Variants in SHISA9 observed in about 807,000 individuals in gnomAD.
The protein encoded by SHISA9 is protein shisa-9.
In SHISA9, 13 loss-of-function variants were observed where a neutral mutation model predicts 38.0. The ratio of observed to expected loss-of-function variants is 0.34; its 90% CI spans 0.22 to 0.54. The LOEUF is 0.54. Ranked by LOEUF, SHISA9 falls within the 20% of genes least tolerant of loss-of-function variation. The probability of loss-of-function intolerance (pLI) is 0.91; values close to 1 mark genes in which losing one functional copy is unlikely to be tolerated. For missense variants in SHISA9, 538 were observed against 575.8 expected, an observed-to-expected ratio of 0.93 and a Z score of 0.67; for synonymous variants, 275 against 242.0, an observed-to-expected ratio of 1.14 and a Z score of -1.27.
the SHISA9 span, among the ~76,000 whole-genome samples, chr16:13,270,068 T>G: frequency 1.3e-5 from 2 of 152,138 alleles, no homozygotes; most frequent in African/African-American, 4.8e-5. Flanking sequence ...TGGGAGGAAA[T>G]GTTTGCTGGG....
chr16:13,449,516 T>C, the SHISA9 span, among the ~76,000 whole-genome samples: 1 of 152,316 alleles, frequency 6.6e-6, no homozygotes, highest in African/African-American at 2.4e-5. Context: ...ACTCTATATC[T>C]TGATTTGAGT....
chr16:12,942,719 C>T (rs2071627389), intron 2 of SHISA9, among the ~76,000 whole-genome samples: 1 of 152,188 alleles, frequency 6.6e-6, no homozygotes, highest in South Asian at 2.1e-4. Flanking sequence ...TACCCAGAAG[C>T]GCACAGCCAC....
rs555421464 is a variant in SHISA9 at position 13,011,259 on chromosome 16, T to C, written c.691+94444T>C. 3.3e-5 allele frequency among the ~76,000 whole-genome samples: 5 copies of C among 152,112 alleles called. No homozygotes were observed. In the South Asian group the frequency reaches 8.3e-4, roughly 25 times the overall value. On this transcript the variant is annotated intron_variant, in intron 2 of 4. Transcript: ENST00000558583. ...CATGATGTTATGAGATGCGTGTAGA[T>C]AGTAAAATAGTTACTATAGTGAAGC...
At chr16:13,537,322 G>A in the SHISA9 span, among the ~76,000 whole-genome samples, 2 of 151,898 alleles carry the variant, frequency 1.3e-5, no homozygotes, top group Admixed American at 1.3e-4. Flanking sequence ...CAGCTACTCA[G>A]AAGGCTGAGG....
At chr16:12,952,940 G>A (rs76917165) in intron 2 of SHISA9, among the ~76,000 whole-genome samples, 1,528 of 152,230 alleles carry the variant, frequency 0.01, 6 homozygotes, top group East Asian at 0.029. Flanking sequence ...TACTGAGTGT[G>A]TTTTAGGCAC....
intron 2 of SHISA9, among the ~76,000 whole-genome samples, chr16:12,964,099 G>T (rs1487864128): frequency 6.6e-6 from 1 of 152,180 alleles, no homozygotes; most frequent in Non-Finnish European, 1.5e-5. Flanking sequence ...GTTGGGCCAG[G>T]CCCTAGGTCT....
At chr16:12,943,514 C>A (rs1380916648) in intron 2 of SHISA9, among the ~76,000 whole-genome samples, 1 of 152,014 alleles carries the variant, frequency 6.6e-6, no homozygotes, top group Non-Finnish European at 1.5e-5. Context: ...TTTTACTTTG[C>A]TGTCTTAAAT....
At chr16:13,324,402 G>A in the SHISA9 span, among the ~76,000 whole-genome samples, 1 of 152,062 alleles carries the variant, frequency 6.6e-6, no homozygotes, top group Non-Finnish European at 1.5e-5. Flanking sequence ...CCAGTTTCTA[G>A]CATCTATTCT....
intron 2 of SHISA9, among the ~76,000 whole-genome samples, chr16:13,008,382 G>A (rs75716203): frequency 0.018 from 2,699 of 152,282 alleles, 58 homozygotes; most frequent in East Asian, 0.077. Flanking sequence ...TTGTCTCAAA[G>A]TCTGCTTCTG....
the SHISA9 span, among the ~76,000 whole-genome samples, chr16:13,311,710 T>C: frequency 5.9e-3 from 905 of 152,346 alleles, 7 homozygotes; most frequent in African/African-American, 0.018. Flanking sequence ...TCTCGTTGGT[T>C]CCTTCTCTCA....
At chr16:13,249,317 A>G in the SHISA9 span, among the ~76,000 whole-genome samples, 14 of 152,310 alleles carry the variant, frequency 9.2e-5, no homozygotes, top group Non-Finnish European at 1.9e-4. Flanking sequence ...TTGAAGATAA[A>G]ATCTCAGCCT....
the SHISA9 span, among the ~76,000 whole-genome samples, chr16:13,466,241 G>A: frequency 6.6e-6 from 1 of 152,218 alleles, no homozygotes; most frequent in Admixed American, 6.5e-5. Context: ...GGGCTTCTAT[G>A]CTTCTGAGTC....
At chr16:13,472,376 A>ATT in the SHISA9 span, among the ~76,000 whole-genome samples, 91 of 113,452 alleles carry the variant, frequency 8.0e-4, 4 homozygotes, top group African/African-American at 2.9e-3. Context: ...CGCTCTGCTA[A>ATT]ATTTTTTTTT....
the SHISA9 span, among the ~76,000 whole-genome samples, chr16:13,271,833 G>C: frequency 6.6e-6 from 1 of 152,082 alleles, no homozygotes; most frequent in Non-Finnish European, 1.5e-5. Flanking sequence ...TGTAATCCCA[G>C]CACTCTGGGA....
chr16:12,997,527 C>T lies in SHISA9; in HGVS notation c.691+80712C>T, dbSNP rs187444260. Among the ~76,000 whole-genome samples the T allele has an allele frequency of 4.3e-3, 653 of 151,816 alleles. 5 individuals are homozygous for T. The highest frequency in any genetic ancestry group is 0.015 in the African/African-American group (635 of 41,374). ...GTTCAAGCAATTCTCCCACCTTAGC[C>T]TCGCCAGTAGCTGAGATTACAGGGA... On this transcript the variant is annotated intron_variant, in intron 2 of 4. Coordinates refer to ENST00000558583, the MANE Select transcript of SHISA9 (RefSeq NM_001145204.3).
At chr16:13,356,097 C>A in the SHISA9 span, among the ~76,000 whole-genome samples, 2 of 152,176 alleles carry the variant, frequency 1.3e-5, no homozygotes, top group Non-Finnish European at 2.9e-5. Context: ...TTTGGAAGTT[C>A]TTGTGTGCTG....
intron 2 of SHISA9, among the ~76,000 whole-genome samples, chr16:12,962,091 C>T (rs1299956924): frequency 2.0e-4 from 30 of 152,264 alleles, no homozygotes. Context: ...GTCTTGCCTG[C>T]ACTGGCCTGG....
intron 2 of SHISA9, among the ~76,000 whole-genome samples, chr16:13,046,029 T>G (rs1280406244): frequency 6.6e-6 from 1 of 152,164 alleles, no homozygotes; most frequent in Admixed American, 6.5e-5. Context: ...AGCCCATTAA[T>G]TTTCTCCAAA....
intron 2 of SHISA9, among the ~76,000 whole-genome samples, chr16:12,927,726 A>C (rs759523860): frequency 6.6e-6 from 1 of 151,978 alleles, no homozygotes; most frequent in Non-Finnish European, 1.5e-5. Context: ...ACTTATGTAG[A>C]TCCAAATCTT....
Sources: gnomAD v4.1 joint callset for allele counts (sites outside exome capture counted in the v4.1 genomes callset) on GRCh38, gnomAD v4.1.1 for gene constraint, MANE v1.5 for transcripts, NCBI Gene and HGNC (gene_info 2026-07-23, HGNC 2026-07-21) for gene names.